The following SNX29 variants were observed in gnomAD, a reference collection of about 807,000 sequenced individuals.
SNX29 encodes the protein sorting nexin-29.
In SNX29, 78 loss-of-function variants were observed where a neutral mutation model predicts 102.1. That is an observed-to-expected ratio of 0.76 (90% CI 0.64 to 0.92). SNX29 has a LOEUF of 0.92. Among genes scored for constraint, SNX29 ranks in the 40% least tolerant of loss-of-function variants. The pLI, the probability that SNX29 is intolerant of heterozygous loss-of-function variation, is 0.00. For synonymous variants in SNX29, 580 were observed against 414.5 expected (o/e 1.40, Z -4.85); for missense variants, 1,280 against 1,061.7 (o/e 1.21, Z -2.86).
At chr16:12,422,839 A>G (rs1157141133) in intron 18 of SNX29, among the ~76,000 whole-genome samples, 2 of 152,226 alleles carry the variant, frequency 1.3e-5, no homozygotes, top group African/African-American at 2.4e-5. Flanking sequence ...GAAGCCTGGC[A>G]TGGAGCTGGG....
intron 11 of SNX29, among the ~76,000 whole-genome samples, chr16:12,125,603 CTCTTTTTTTTTTTTTTTTTT>C (rs1396180296): frequency 1.4e-5 from 1 of 71,496 alleles, no homozygotes; most frequent in African/African-American, 5.3e-5. Context: ...GCTGAGATCT[CTCTTTTTTTTTTTTTTTTTT>C]TTTTTTTTTT....
intron 19 of SNX29, among the ~76,000 whole-genome samples, chr16:12,518,099 C>T (rs1186673218): frequency 6.6e-6 from 1 of 152,170 alleles, no homozygotes; most frequent in African/African-American, 2.4e-5. Flanking sequence ...GTCGTGTGTG[C>T]TGGGAGGTGG....
chr16:12,385,425 G>C (rs950946598), intron 16 of SNX29, among the ~76,000 whole-genome samples: 1 of 152,112 alleles, frequency 6.6e-6, no homozygotes, highest in African/African-American at 2.4e-5. Context: ...TTCATGGGGC[G>C]GTGGAATTCA....
intron 13 of SNX29, among the ~76,000 whole-genome samples, chr16:12,166,750 A>AGT (rs2056045055): frequency 6.6e-6 from 1 of 152,188 alleles, no homozygotes; most frequent in African/African-American, 2.4e-5. Flanking sequence ...CAGGCATCAG[A>AGT]GTTGGGTGTG....
At chr16:12,450,295 G>A (rs1332583227) in intron 18 of SNX29, among the ~76,000 whole-genome samples, 1 of 152,224 alleles carries the variant, frequency 6.6e-6, no homozygotes, top group Non-Finnish European at 1.5e-5. Context: ...GAGGGGCAGG[G>A]TGCAGGGAAG....
intron 4 of SNX29, among the ~76,000 whole-genome samples, chr16:12,040,932 G>A (rs1305709512): frequency 6.6e-6 from 1 of 152,184 alleles, no homozygotes; most frequent in African/African-American, 2.4e-5. Flanking sequence ...TCCTGCCTCA[G>A]CCTCCCAAGT....
chr16:12,080,339 C>T (rs754386184), intron 11 of SNX29, among the ~76,000 whole-genome samples: 2 of 152,156 alleles, frequency 1.3e-5, no homozygotes, highest in South Asian at 2.1e-4. Flanking sequence ...TGCGTGGGAA[C>T]GGCTGGCCGC....
intron 20 of SNX29, among the ~76,000 whole-genome samples, chr16:12,560,282 A>C (rs2078648867): frequency 6.6e-6 from 1 of 152,176 alleles, no homozygotes; most frequent in African/African-American, 2.4e-5. Context: ...GCAATGTCAC[A>C]GTGTTATTGA....
chr16:12,372,926 T>C (rs1400331418), intron 16 of SNX29: 1 of 152,194 alleles, frequency 6.6e-6, no homozygotes, highest in Non-Finnish European at 1.5e-5. Flanking sequence ...TGGCACTTAT[T>C]ACATACCAAA....
intron 18 of SNX29, among the ~76,000 whole-genome samples, chr16:12,477,149 C>A (rs1314636069): frequency 6.6e-6 from 1 of 152,170 alleles, no homozygotes; most frequent in African/African-American, 2.4e-5. Flanking sequence ...TAAAGAAATT[C>A]TATGTCCCAG....
chr16:12,140,717 C>T (rs992710544), intron 13 of SNX29, among the ~76,000 whole-genome samples: 19 of 152,024 alleles, frequency 1.2e-4, no homozygotes, highest in Non-Finnish European at 2.6e-4. Context: ...AGCGGTAGCC[C>T]GAAGGTCTCT....
chr16:12,310,842 T>A (rs2080514988), intron 15 of SNX29, among the ~76,000 whole-genome samples: 1 of 151,914 alleles, frequency 6.6e-6, no homozygotes, highest in Non-Finnish European at 1.5e-5. Flanking sequence ...GCCCAGGGCA[T>A]CCTGGCACAT....
chr16:12,188,427 C>T (rs950593781), intron 13 of SNX29, among the ~76,000 whole-genome samples: 1 of 152,166 alleles, frequency 6.6e-6, no homozygotes, highest in Non-Finnish European at 1.5e-5. Context: ...AATGAGCTGC[C>T]TTCTTGGTGC....
intron 15 of SNX29, among the ~76,000 whole-genome samples, chr16:12,278,326 G>A (rs972691245): frequency 3.4e-4 from 51 of 152,192 alleles, no homozygotes; most frequent in African/African-American, 1.2e-3. Context: ...ATTTGGAGAT[G>A]AAAACAGAGA....
At chr16:12,339,171 C>T (rs2081539416) in intron 15 of SNX29, among the ~76,000 whole-genome samples, 1 of 151,992 alleles carries the variant, frequency 6.6e-6, no homozygotes, top group Non-Finnish European at 1.5e-5. Flanking sequence ...AGTTCAAGAC[C>T]AGCCTGGCCA....
intron 11 of SNX29, among the ~76,000 whole-genome samples, chr16:12,112,637 A>G (rs2053544164): frequency 6.6e-6 from 1 of 152,196 alleles, no homozygotes; most frequent in Admixed American, 6.5e-5. Context: ...CGTGAGGTCC[A>G]GGTCTCTTCT....
At chr16:12,180,416 C>T (rs1297988285) in intron 13 of SNX29, among the ~76,000 whole-genome samples, 1 of 151,918 alleles carries the variant, frequency 6.6e-6, no homozygotes, top group East Asian at 1.9e-4. Context: ...CAGCTATATT[C>T]TATTACTTAT....
intron 16 of SNX29, among the ~76,000 whole-genome samples, chr16:12,387,647 T>G (rs1250949032): frequency 6.6e-6 from 1 of 152,208 alleles, no homozygotes; most frequent in Non-Finnish European, 1.5e-5. Flanking sequence ...GGGTGAGTAC[T>G]GGCTCTGTTT....
chr16:12,106,195 T>A (rs1182987144), intron 11 of SNX29, among the ~76,000 whole-genome samples: 1 of 152,206 alleles, frequency 6.6e-6, no homozygotes, highest in African/African-American at 2.4e-5. Context: ...AGGGAGGGAC[T>A]GAAAAGCTCC....
Sources: gnomAD v4.1 joint callset for allele counts (sites outside exome capture counted in the v4.1 genomes callset) on GRCh38, gnomAD v4.1.1 for gene constraint, MANE v1.5 for transcripts, NCBI Gene and HGNC (gene_info 2026-07-23, HGNC 2026-07-21) for gene names.